SP4: variants seen among roughly 807,000 people sequenced by gnomAD.
SP4 encodes the protein transcription factor Sp4.
In SP4, 19 loss-of-function variants were observed where a neutral mutation model predicts 72.8. The ratio of observed to expected loss-of-function variants is 0.26; its 90% CI spans 0.18 to 0.38. The LOEUF (loss-of-function observed/expected upper bound fraction) is 0.38, where lower values mean the gene tolerates loss of function less well. Among genes scored for constraint, SP4 ranks in the 10% least tolerant of loss-of-function variants. The pLI, the probability that SP4 is intolerant of heterozygous loss-of-function variation, is 1.00. For synonymous variants in SP4, 395 were observed against 333.1 expected, an observed-to-expected ratio of 1.19 and a Z score of -2.02; for missense variants, 1,008 against 926.3, an observed-to-expected ratio of 1.09 and a Z score of -1.14.
At chr7:21,434,036 A>G (rs1214629978) in intron 3 of SP4, among the ~76,000 whole-genome samples, 1 of 152,180 alleles carries the variant, frequency 6.6e-6, no homozygotes, top group Non-Finnish European at 1.5e-5. Context: ...AAGTACCCAT[A>G]TCGCCCTTTT....
chr7:21,509,722 T>C (rs1361549832), intron 5 of SP4, among the ~76,000 whole-genome samples: 2 of 152,188 alleles, frequency 1.3e-5, no homozygotes, highest in East Asian at 3.8e-4. Flanking sequence ...AGAGAGAATA[T>C]CTGACGTGGA....
chr7:21,455,093 C>CA (rs1310012796), intron 3 of SP4, among the ~76,000 whole-genome samples: 1 of 152,160 alleles, frequency 6.6e-6, no homozygotes, highest in African/African-American at 2.4e-5. Flanking sequence ...CCCTTCAGCT[C>CA]AAGAGTGTCA....
At chr7:21,488,448 T>C (rs79577236) in intron 5 of SP4, among the ~76,000 whole-genome samples, 3,340 of 151,470 alleles carry the variant, frequency 0.022, 53 homozygotes, top group African/African-American at 0.037. Context: ...ACATTTGATA[T>C]AATCATTGTT....
intron 3 of SP4, among the ~76,000 whole-genome samples, chr7:21,475,280 A>G (rs755612707): frequency 6.6e-6 from 1 of 151,350 alleles, no homozygotes; most frequent in African/African-American, 2.4e-5. Flanking sequence ...ACACCTGGCT[A>G]ATTTTTTGTA....
intron 1 of SP4, 48 bp from the exon 2 acceptor site, chr7:21,428,629 T>A: frequency 6.8e-7 from 1 of 1,477,848 alleles, no homozygotes; most frequent in Non-Finnish European, 9.2e-7. Flanking sequence ...ATAATAATAA[T>A]CCTAATAACC....
At chr7:21,496,683 T>A (rs911550970) in intron 5 of SP4, among the ~76,000 whole-genome samples, 2 of 151,970 alleles carry the variant, frequency 1.3e-5, no homozygotes, top group Non-Finnish European at 2.9e-5. Flanking sequence ...ATTTATTTAT[T>A]TTTTTTTCAA....
chr7:21,491,609 G>T (rs1784981386), intron 5 of SP4, among the ~76,000 whole-genome samples: 1 of 152,112 alleles, frequency 6.6e-6, no homozygotes, highest in Admixed American at 6.5e-5. Flanking sequence ...TAATCAATCT[G>T]CTGTAAATCA....
intron 5 of SP4, among the ~76,000 whole-genome samples, chr7:21,484,954 A>G (rs1784773967): frequency 6.6e-6 from 1 of 151,916 alleles, no homozygotes; most frequent in Non-Finnish European, 1.5e-5. Flanking sequence ...TACTGGATTG[A>G]CAATTCATAA....
intron 4 of SP4, among the ~76,000 whole-genome samples, chr7:21,480,452 T>C (rs1784652697): frequency 6.6e-6 from 1 of 152,184 alleles, no homozygotes; most frequent in African/African-American, 2.4e-5. Context: ...TCAGTTTTAG[T>C]ATTTTGGTCC....
chr7:21,478,208 T>C (rs1784571046), intron 4 of SP4, among the ~76,000 whole-genome samples: 1 of 152,052 alleles, frequency 6.6e-6, no homozygotes, highest in South Asian at 2.1e-4. Context: ...CATTCCTTTT[T>C]AGGGACAAAT....
intron 3 of SP4, among the ~76,000 whole-genome samples, chr7:21,457,362 T>C (rs1053647160): frequency 1.3e-5 from 2 of 152,192 alleles, no homozygotes; most frequent in African/African-American, 2.4e-5. Flanking sequence ...TTCGTTATAC[T>C]ACCTCTGACA....
At chr7:21,481,272 G>A (rs10275955) in intron 4 of SP4, among the ~76,000 whole-genome samples, 3,287 of 152,234 alleles carry the variant, frequency 0.022, 123 homozygotes, top group African/African-American at 0.074. Flanking sequence ...TCCTCTGACC[G>A]GGAGGTGGGA....
Position 21,428,183 on chromosome 7 carries a change from G to GGCCCCCCCCCCC in SP4, c.-69_-68insGCCCCCCCCCCC. ...GCGGGCGGGACCGGCCTCTCCTCCC[G>GGCCCCCCCCCCC]CCTCGCCCCCACCCCCACCCACCTC... On this transcript the variant is annotated 5_prime_UTR_variant, in exon 1 of 6. Transcript: ENST00000222584. 5.4e-6 allele frequency: 2 copies of GGCCCCCCCCCCC among 370,464 alleles called. No homozygotes were observed. Among genetic ancestry groups the GGCCCCCCCCCCC allele is most frequent in the East Asian group, 6.3e-5 (1 of 15,946 alleles). The allele number at this position is 370,464 out of a possible 1,614,324, so 22.9% of individuals were successfully genotyped here. A position where few individuals can be genotyped will look rare whatever the true frequency, so the allele number is the denominator to read the frequency against.
At chr7:21,487,774 G>C (rs1164181975) in intron 5 of SP4, among the ~76,000 whole-genome samples, 1 of 150,132 alleles carries the variant, frequency 6.7e-6, no homozygotes, top group South Asian at 2.1e-4. Context: ...GGTGGTGGTG[G>C]TGGTGGTGGT....
intron 5 of SP4, among the ~76,000 whole-genome samples, chr7:21,485,591 T>A (rs1784793244): frequency 6.6e-6 from 1 of 152,012 alleles, no homozygotes; most frequent in South Asian, 2.1e-4. Context: ...TTCTTGCATT[T>A]AGAATTAAGG....
At chr7:21,435,057 T>C (rs73682377) in intron 3 of SP4, among the ~76,000 whole-genome samples, 310 of 152,346 alleles carry the variant, frequency 2.0e-3, no homozygotes, top group African/African-American at 6.9e-3. Context: ...TTTAGAGCTA[T>C]GTAGGAACAA....
At chr7:21,453,827 C>T (rs555941304) in intron 3 of SP4, among the ~76,000 whole-genome samples, 45 of 152,286 alleles carry the variant, frequency 3.0e-4, no homozygotes, top group Admixed American at 2.7e-3. Context: ...TTAATGTTAG[C>T]TAACGTGTTC....
intron 5 of SP4, among the ~76,000 whole-genome samples, chr7:21,484,887 A>G (rs1332239442): frequency 6.6e-6 from 1 of 151,906 alleles, no homozygotes; most frequent in Admixed American, 6.6e-5. Context: ...ATACTTCAAA[A>G]CCAAATATTA....
At chr7:21,457,183 T>G (rs73685134) in intron 3 of SP4, among the ~76,000 whole-genome samples, 3,312 of 152,328 alleles carry the variant, frequency 0.022, 128 homozygotes, top group African/African-American at 0.074. Context: ...TTTTATAATA[T>G]AACCTTTTAT....
Sources: gnomAD v4.1 joint callset for allele counts (sites outside exome capture counted in the v4.1 genomes callset) on GRCh38, gnomAD v4.1.1 for gene constraint, MANE v1.5 for transcripts, NCBI Gene and HGNC (gene_info 2026-07-23, HGNC 2026-07-21) for gene names.